Variants in DCP1A observed in about 807,000 individuals in gnomAD.
DCP1A encodes decapping mRNA 1A.
In DCP1A, 20 loss-of-function variants were observed where a neutral mutation model predicts 58.0. The ratio of observed to expected loss-of-function variants is 0.34; its 90% confidence interval spans 0.24 to 0.50. The LOEUF is 0.50. Among genes scored for constraint, DCP1A ranks in the 20% least tolerant of loss-of-function variants. The probability of loss-of-function intolerance (pLI) is 0.98; values close to 1 mark genes in which losing one functional copy is unlikely to be tolerated. For missense variants in DCP1A, 613 were observed against 712.2 expected (o/e 0.86, Z 1.59); for synonymous variants, 285 against 275.1 (o/e 1.04, Z -0.36).
chr3:53,332,338 T>C (rs1329371732), intron 3 of DCP1A, among the ~76,000 whole-genome samples: 7 of 152,246 alleles, frequency 4.6e-5, no homozygotes, highest in Non-Finnish European at 8.8e-5. Flanking sequence ...TATTCCTAAG[T>C]AATTTTTGTT....
intron 3 of DCP1A, among the ~76,000 whole-genome samples, chr3:53,322,525 A>G (rs1707998229): frequency 6.6e-6 from 1 of 151,870 alleles, no homozygotes; most frequent in South Asian, 2.1e-4. Context: ...GAGTCTTTCT[A>G]TTGTTATTGT....
chr3:53,287,919 T>G, intron 9 of DCP1A, 146 bp downstream of exon 9: 1 of 805,272 alleles, frequency 1.2e-6, no homozygotes, highest in South Asian at 1.9e-5. Flanking sequence ...CCTCCCATAG[T>G]GCTGGGATTA....
In DCP1A at chr3:53,312,233, A is replaced by G; in HGVS notation, c.510+8T>C. On this transcript the variant is annotated splice_region_variant and intron_variant, in intron 5 of 9. Transcript: ENST00000610213. Reference sequence around the variant, plus strand: ...CTGGTCAGCACCCAAGTACCCAGAGAGCCTCACCCTCTCATACTCATCCTT... The same window carrying G: ...CTGGTCAGCACCCAAGTACCCAGAGGGCCTCACCCTCTCATACTCATCCTT... The G allele has an allele frequency of 6.3e-7, 1 of 1,580,230 alleles. No individual in the cohort carries two copies. Among genetic ancestry groups the G allele is most frequent in the Non-Finnish European group, 8.6e-7 (1 of 1,163,006 alleles).
At chr3:53,331,864 TG>T (rs1202598447) in intron 3 of DCP1A, among the ~76,000 whole-genome samples, 1 of 152,238 alleles carries the variant, frequency 6.6e-6, no homozygotes, top group Non-Finnish European at 1.5e-5. Context: ...ACACTGGTCT[TG>T]AGGAAAAACA....
chr3:53,314,452 G>A (rs1220356874), intron 4 of DCP1A, among the ~76,000 whole-genome samples: 2 of 152,054 alleles, frequency 1.3e-5, no homozygotes, highest in Non-Finnish European at 2.9e-5. Context: ...ATGAGAATAA[G>A]ACCAAACATG....
intron 2 of DCP1A, among the ~76,000 whole-genome samples, chr3:53,342,618 A>G (rs2089226255): frequency 6.6e-6 from 1 of 152,076 alleles, no homozygotes; most frequent in South Asian, 2.1e-4. Context: ...GTGTGCTTCT[A>G]CCTAAAAACC....
At chr3:53,330,098 T>C (rs2088958528) in intron 3 of DCP1A, among the ~76,000 whole-genome samples, 1 of 152,230 alleles carries the variant, frequency 6.6e-6, no homozygotes, top group African/African-American at 2.4e-5. Flanking sequence ...TCACTGTTAC[T>C]AGCCCAGTCA....
intron 5 of DCP1A, 118 bp from the exon 6 acceptor site, chr3:53,304,408 C>T: frequency 2.9e-6 from 2 of 682,054 alleles, no homozygotes; most frequent in South Asian, 3.9e-5. Context: ...GAAGAAAAAC[C>T]AACCTCAAAA....
intron 4 of DCP1A, 36 bp from the exon 5 acceptor site, chr3:53,312,415 T>G: frequency 6.6e-7 from 1 of 1,515,140 alleles, no homozygotes; most frequent in Non-Finnish European, 8.8e-7. Flanking sequence ...AAAGGCCTCT[T>G]GAAACAAAAT....
rs1433644046 is a variant in DCP1A at position 53,286,563 on chromosome 3, G to A, written c.*1017C>T. The stretch of plus-strand genomic sequence containing the variant: ...GCCTAGGAATACATTGGTAGAGTTC[G>A]GAATCACATTTTCTTTTAACTCCAT... On this transcript the variant is annotated 3_prime_UTR_variant, in exon 10 of 10. Coordinates refer to ENST00000610213, the MANE Select transcript of DCP1A (RefSeq NM_018403.7). The A allele has an allele frequency of 2.0e-5, 3 of 152,114 alleles. No individual in the cohort carries two copies. Among genetic ancestry groups the A allele is most frequent in the Non-Finnish European group, 2.9e-5 (2 of 68,018 alleles). The allele number at this position is 152,114 out of a possible 1,614,324, so 9.4% of individuals were successfully genotyped here.
At chr3:53,325,454 T>C (rs1708080717) in intron 3 of DCP1A, among the ~76,000 whole-genome samples, 1 of 152,204 alleles carries the variant, frequency 6.6e-6, no homozygotes, top group Admixed American at 6.5e-5. Context: ...TTAAGAGTTA[T>C]AAAATTTCTT....
Position 53,347,422 on chromosome 3 carries a change from C to T in DCP1A, c.96G>A (p.Gln32=), listed in dbSNP as rs782620549. The change falls in exon 1 of 10, where the codon CAG becomes CAA. Residue 32 remains glutamine, a synonymous_variant. Transcript: ENST00000610213. ...YITSIADLTG[Q]VALYTFCPKA... ...TGGGGCAGAAGGTGTACAGAGCGACCTGGCCCGTGAGGTCTGCGATGCTGG... is the reference window on the plus strand; with the variant it reads ...TGGGGCAGAAGGTGTACAGAGCGACTTGGCCCGTGAGGTCTGCGATGCTGG... 6.2e-7 allele frequency: 1 copy of T among 1,613,240 alleles called. No homozygotes were observed. The highest frequency in any genetic ancestry group is 1.1e-5 in the South Asian group (1 of 91,070).
At chr3:53,328,983 AAAG>A (rs1708184973) in intron 3 of DCP1A, 2 of 172,272 alleles carry the variant, frequency 1.2e-5, no homozygotes, top group Admixed American at 1.3e-4. Context: ...TCAGGCTAAG[AAAG>A]AAGTACTGCA....
At chr3:53,313,835 T>A (rs572574478) in intron 4 of DCP1A, among the ~76,000 whole-genome samples, 128 of 152,178 alleles carry the variant, frequency 8.4e-4, no homozygotes, top group African/African-American at 3.1e-3. Flanking sequence ...GCTTTTTTAT[T>A]TAAAAATACT....
intron 4 of DCP1A, among the ~76,000 whole-genome samples, chr3:53,314,444 G>A (rs1707737654): frequency 6.6e-6 from 1 of 152,126 alleles, no homozygotes; most frequent in South Asian, 2.1e-4. Context: ...TATGGGATAT[G>A]AGAATAAGAC....
rs781893027 is a variant in DCP1A, at chr3:53,342,233, C to G, written c.215G>C (p.Arg72Pro). The change falls in exon 3 of 10, where the codon CGA becomes CCA. Residue 72 changes from arginine to proline, a missense_variant. Around this residue, in one of 3 missense-constraint regions of DCP1A, gnomAD observed 65 missense variants for 118.5 expected, o/e 0.55. Coordinates refer to ENST00000610213, the MANE Select transcript of DCP1A (RefSeq NM_018403.7). ...SPYHGFTIVNRLNMHNLVEPV... is the reference protein window; with the variant it reads ...SPYHGFTIVNPLNMHNLVEPV... Reference sequence around the variant, plus strand: ...TTCAACTAGATTGTGCATATTTAGTCGATTCACAATGGTAAAACCATGGTA... The same window carrying G: ...TTCAACTAGATTGTGCATATTTAGTGGATTCACAATGGTAAAACCATGGTA... 1.9e-6 allele frequency: 3 copies of G among 1,602,670 alleles called. No homozygotes were observed. The highest frequency in any genetic ancestry group is 8.5e-7 in the Non-Finnish European group (1 of 1,172,776).
chr3:53,324,570 C>T (rs1708059695), intron 3 of DCP1A, among the ~76,000 whole-genome samples: 1 of 152,218 alleles, frequency 6.6e-6, no homozygotes, highest in South Asian at 2.1e-4. Flanking sequence ...AGGCTTTTGG[C>T]AATACAGTAT....
chr3:53,321,053 C>T (rs1553689891), intron 3 of DCP1A, among the ~76,000 whole-genome samples: 1 of 152,234 alleles, frequency 6.6e-6, no homozygotes, highest in Non-Finnish European at 1.5e-5. Flanking sequence ...TGGCAGGACT[C>T]TCATTCAGTC....
At chr3:53,323,991 G>C (rs6806814) in intron 3 of DCP1A, among the ~76,000 whole-genome samples, 103,888 of 151,990 alleles carry the variant, frequency 0.68, 36,386 homozygotes, top group Non-Finnish European at 0.77. Context: ...CGAACTCTTA[G>C]GAAAGAACTA....
Sources: allele counts gnomAD v4.1 joint callset (sites outside exome capture counted in the v4.1 genomes callset), GRCh38; gene constraint gnomAD v4.1.1; regional missense constraint gnomAD v4.1.1; transcripts MANE v1.5; gene names NCBI Gene and HGNC (gene_info 2026-07-23, HGNC 2026-07-21).